Variants in GPC3 observed in about 807,000 individuals in gnomAD.
GPC3 encodes glypican 3.
GPC3 carries 3 observed loss-of-function variants against 34.4 expected under a neutral mutation model. That is an observed-to-expected ratio of 0.09 (90% confidence interval 0.04 to 0.23). The LOEUF is 0.23. GPC3 is among the 10% of genes least tolerant of loss of function. The pLI, the probability that GPC3 is intolerant of heterozygous loss-of-function variation, is 1.00. For synonymous variants in GPC3, 177 were observed against 174.0 expected (o/e 1.02, Z -0.13); for missense variants, 351 against 445.6 (o/e 0.79, Z 1.91).
chrX:133,901,904 C>T (rs1186475963), intron 2 of GPC3, among the ~76,000 whole-genome samples: 1 of 112,317 alleles, frequency 8.9e-6, no homozygotes, highest in Non-Finnish European at 1.9e-5. Flanking sequence ...GAGCAAAGTA[C>T]TATCTCCCAA....
At chrX:133,887,876 C>T (rs1342528586) in intron 2 of GPC3, among the ~76,000 whole-genome samples, 1 of 110,018 alleles carries the variant, frequency 9.1e-6, no homozygotes, top group Non-Finnish European at 1.9e-5. Context: ...CAAATCCAAA[C>T]ACTCACTGAC....
At chrX:133,884,831 A>G (rs1411925117) in intron 2 of GPC3, among the ~76,000 whole-genome samples, 1 of 112,100 alleles carries the variant, frequency 8.9e-6, no homozygotes, top group African/African-American at 3.2e-5. Flanking sequence ...AGTCTACCAG[A>G]TATGAACTAT....
At chrX:133,888,006 G>A (rs1019324480) in intron 2 of GPC3, among the ~76,000 whole-genome samples, 5 of 108,170 alleles carry the variant, frequency 4.6e-5, no homozygotes, top group African/African-American at 1.7e-4. Context: ...CACGTGCCCT[G>A]GTGGTTTGCT....
rs769491486 is a variant in GPC3 at position 133,630,654 on chromosome X, G to A, written c.1413+31076C>T. 5.4e-5 allele frequency among the ~76,000 whole-genome samples: 6 copies of A among 111,608 alleles called. No homozygotes were observed. In the East Asian group the frequency reaches 1.7e-3, roughly 32 times the overall value. On this transcript the variant is annotated intron_variant, in intron 6 of 7. Coordinates refer to ENST00000370818, the MANE Select transcript of GPC3 (RefSeq NM_004484.4). ...AATGCTGGGCTGACCTTCCAGGCAG[G>A]CCGAATATTTGGCTGTCGACAAGCA...
Position 133,536,415 on chromosome X carries a change from T to G in GPC3, c.1574-122A>C, listed in dbSNP as rs112367449. On this transcript the variant is annotated intron_variant, in intron 7 of 7. Transcript: ENST00000370818. Reference sequence around the variant, plus strand: ...GCCTCAGCTTTGATTCCCTTTTTTATGGGGGAGAAAAAGGCCACTGTGAGA... The same window carrying G: ...GCCTCAGCTTTGATTCCCTTTTTTAGGGGGGAGAAAAAGGCCACTGTGAGA... The G allele has an allele frequency of 1.0e-3, 266 of 264,803 alleles. 1 individual carries two copies. The highest frequency in any genetic ancestry group is 8.9e-3 in the African/African-American group (231 of 25,833). The allele number at this position is 264,803 out of a possible 1,213,427, so 21.8% of individuals were successfully genotyped here.
chrX:133,815,292 C>T (rs1406924031), intron 2 of GPC3, among the ~76,000 whole-genome samples: 1 of 108,396 alleles, frequency 9.2e-6, no homozygotes, highest in Non-Finnish European at 1.9e-5. Flanking sequence ...CCTCCATACA[C>T]ATAGTTTTTA....
chrX:133,654,413 G>C (rs1242848472), intron 6 of GPC3, among the ~76,000 whole-genome samples: 1 of 111,622 alleles, frequency 9.0e-6, no homozygotes, highest in Non-Finnish European at 1.9e-5. Flanking sequence ...ATTTGTAACT[G>C]TTTATTAAAA....
chrX:133,776,878 C>A, intron 2 of GPC3, among the ~76,000 whole-genome samples: 1 of 79,633 alleles, frequency 1.3e-5, no homozygotes, highest in East Asian at 3.9e-4. Flanking sequence ...CCTTTCTTTT[C>A]TTTTTTTTTT....
chrX:133,608,839 A>T (rs896245746), intron 6 of GPC3, among the ~76,000 whole-genome samples: 2 of 112,138 alleles, frequency 1.8e-5, no homozygotes, highest in South Asian at 3.7e-4. Flanking sequence ...TATTTGAAGA[A>T]TATGAATTTT....
In GPC3 at chrX:133,905,019, C is replaced by T. The variant is rs149118311; in HGVS notation, c.337+48031G>A. Among the ~76,000 whole-genome samples the T allele has an allele frequency of 7.8e-3, 872 of 112,123 alleles. 11 individuals carry two copies. The highest frequency in any genetic ancestry group is 0.027 in the African/African-American group (833 of 30,881). On this transcript the variant is annotated intron_variant, in intron 2 of 7. Coordinates refer to ENST00000370818, the MANE Select transcript of GPC3 (RefSeq NM_004484.4). Reference sequence around the variant, plus strand: ...AATTTACCACATCGTCTCCACCCCACGGGGTACCATCTGCTCTTTTCAAAG... The same window carrying T: ...AATTTACCACATCGTCTCCACCCCATGGGGTACCATCTGCTCTTTTCAAAG...
intron 6 of GPC3, among the ~76,000 whole-genome samples, chrX:133,648,544 A>G (rs888349570): frequency 8.9e-6 from 1 of 111,966 alleles, no homozygotes; most frequent in South Asian, 3.8e-4. Context: ...TGGCAGAGTT[A>G]ACATTACTGA....
chrX:133,716,049 C>T (rs112276378), intron 3 of GPC3, among the ~76,000 whole-genome samples: 216 of 111,977 alleles, frequency 1.9e-3, no homozygotes, highest in Non-Finnish European at 3.3e-3. Context: ...TAACTTACTA[C>T]CACTAAGCTA....
intron 6 of GPC3, among the ~76,000 whole-genome samples, chrX:133,600,512 A>G (rs1263730591): frequency 8.9e-6 from 1 of 112,207 alleles, no homozygotes; most frequent in Non-Finnish European, 1.9e-5. Context: ...CAAATTCAGC[A>G]TGGAAGAAGG....
At chrX:133,667,854 C>T (rs944697536) in intron 5 of GPC3, among the ~76,000 whole-genome samples, 7 of 107,707 alleles carry the variant, frequency 6.5e-5, no homozygotes, top group South Asian at 4.5e-4. Context: ...GAAACCTTCT[C>T]TCTCTTGCTC....
intron 5 of GPC3, among the ~76,000 whole-genome samples, chrX:133,685,709 T>C (rs889916437): frequency 1.8e-5 from 2 of 109,541 alleles, no homozygotes; most frequent in Admixed American, 9.8e-5. Flanking sequence ...TGTGACAGTC[T>C]CAGAGTCATC....
intron 4 of GPC3, among the ~76,000 whole-genome samples, chrX:133,696,246 G>A (rs1449418469): frequency 8.9e-6 from 1 of 112,193 alleles, no homozygotes; most frequent in African/African-American, 3.2e-5. Flanking sequence ...TTCGAGGGTA[G>A]GGAAGAAGAC....
intron 3 of GPC3, among the ~76,000 whole-genome samples, chrX:133,744,485 T>C (rs777449452): frequency 1.8e-5 from 2 of 112,464 alleles, no homozygotes; most frequent in East Asian, 2.8e-4. Context: ...TCAGTTAGAA[T>C]GGCAATCATT....
intron 6 of GPC3, among the ~76,000 whole-genome samples, chrX:133,620,975 C>G (rs1462691612): frequency 9.0e-6 from 1 of 111,280 alleles, no homozygotes; most frequent in African/African-American, 3.3e-5. Context: ...GCCCAACCAC[C>G]TTGGGTACAC....
At chrX:133,643,522 G>A (rs1281483432) in intron 6 of GPC3, among the ~76,000 whole-genome samples, 2 of 111,655 alleles carry the variant, frequency 1.8e-5, no homozygotes, top group Non-Finnish European at 3.8e-5. Context: ...TTTGGGCAGA[G>A]TACAGAGAGG....
Sources: gnomAD v4.1 joint callset for allele counts (sites outside exome capture counted in the v4.1 genomes callset) on GRCh38, gnomAD v4.1.1 for gene constraint, MANE v1.5 for transcripts, NCBI Gene and HGNC (gene_info 2026-07-23, HGNC 2026-07-21) for gene names.